Variants in DPF3 observed in about 807,000 individuals in gnomAD.
DPF3 encodes the protein zinc finger protein DPF3.
Under a neutral mutation model 56.8 loss-of-function variants are expected in DPF3, and 18 were observed. The ratio of observed to expected loss-of-function variants is 0.32; its 90% CI spans 0.22 to 0.47. DPF3 has a LOEUF of 0.47. DPF3 is among the 20% of genes least tolerant of loss of function. DPF3 has a pLI of 1.00. For synonymous variants in DPF3, 188 were observed against 180.2 expected (o/e 1.04, Z -0.35); for missense variants, 403 against 488.8 (o/e 0.82, Z 1.65).
At chr14:72,769,137 G>GAAAAA (rs1206499459) in intron 2 of DPF3, among the ~76,000 whole-genome samples, 22 of 151,920 alleles carry the variant, frequency 1.4e-4, no homozygotes, top group African/African-American at 4.8e-4. Context: ...AAAAGAAAAA[G>GAAAAA]AAAAAAACAA....
chr14:72,796,185 A>T (rs570157520), intron 1 of DPF3, among the ~76,000 whole-genome samples: 4 of 152,298 alleles, frequency 2.6e-5, no homozygotes, highest in Admixed American at 1.3e-4. Context: ...AAAGTATGTA[A>T]CTTATCTGAG....
chr14:72,760,695 AAG>A (rs1269668902), intron 2 of DPF3, among the ~76,000 whole-genome samples: 2 of 152,170 alleles, frequency 1.3e-5, no homozygotes, highest in African/African-American at 2.4e-5. Flanking sequence ...ACAACAAAAC[AAG>A]AGTTATAGTT....
intron 1 of DPF3, among the ~76,000 whole-genome samples, chr14:72,871,107 C>T (rs1349740125): frequency 1.3e-5 from 2 of 152,208 alleles, no homozygotes; most frequent in South Asian, 2.1e-4. Flanking sequence ...GTAAGACTTA[C>T]TCACTATCAC....
chr14:72,803,231 C>G (rs541631667), intron 1 of DPF3, among the ~76,000 whole-genome samples: 1 of 152,348 alleles, frequency 6.6e-6, no homozygotes, highest in Admixed American at 6.5e-5. Context: ...AAACCTGCCA[C>G]TGCCTCTCTC....
rs189550097 is a variant in DPF3 at position 72,778,989 on chromosome 14, C to A, written c.33-7096G>T. On this transcript the variant is annotated intron_variant, in intron 1 of 10. Transcript: ENST00000556509. ...CTCCAGCAAGTACCATTCACATCAG[C>A]GTCAATATGAAGGCCACCCCCTGGA... Among the ~76,000 whole-genome samples the A allele has an allele frequency of 1.2e-4, 19 of 152,300 alleles. No homozygotes were observed. In the South Asian group the frequency reaches 3.9e-3, roughly 32 times the overall value.
In DPF3 at chr14:72,650,807, A is replaced by T. The variant is rs563064450; in HGVS notation, c.872-21071T>A. ...AGGAGGCGTCTCCCTCCAAGACAGGATCAGCGTGTGTGGGTGGGAGGTATA... is the reference window on the plus strand; with the variant it reads ...AGGAGGCGTCTCCCTCCAAGACAGGTTCAGCGTGTGTGGGTGGGAGGTATA... On this transcript the variant is annotated intron_variant, in intron 8 of 10. Transcript: ENST00000556509. 5.9e-5 allele frequency among the ~76,000 whole-genome samples: 9 copies of T among 152,260 alleles called. No individual in the cohort carries two copies. In the South Asian group the frequency reaches 1.9e-3, roughly 32 times the overall value.
At chr14:72,723,542 G>A in intron 5 of DPF3, 91 bp downstream of exon 5, 2 of 1,100,492 alleles carry the variant, frequency 1.8e-6, no homozygotes, top group South Asian at 1.6e-5. Context: ...CCATGGCCAT[G>A]ATTTCCATCT....
At chr14:72,723,573 G>A (rs555672378) in intron 5 of DPF3, 60 bp downstream of exon 5, 39 of 1,402,602 alleles carry the variant, frequency 2.8e-5, no homozygotes, top group Middle Eastern at 1.8e-4. Context: ...GAGATCAATC[G>A]TTGGCCGGGC....
intron 1 of DPF3, among the ~76,000 whole-genome samples, chr14:72,790,371 A>G (rs1197728369): frequency 2.0e-5 from 3 of 152,232 alleles, no homozygotes; most frequent in African/African-American, 4.8e-5. Context: ...GGTCCCTAGC[A>G]TATAGTAGGC....
chr14:72,820,110 T>C (rs1297252470), intron 1 of DPF3, among the ~76,000 whole-genome samples: 4 of 152,204 alleles, frequency 2.6e-5, no homozygotes, highest in African/African-American at 9.7e-5. Context: ...TTGTTAAAAT[T>C]CATAGAACTA....
At chr14:72,788,723 G>T (rs1435112186) in intron 1 of DPF3, among the ~76,000 whole-genome samples, 1 of 152,128 alleles carries the variant, frequency 6.6e-6, no homozygotes, top group East Asian at 1.9e-4. Context: ...CAGTCTAGGG[G>T]GAGGTTGATG....
Position 72,613,642 on chromosome 14 carries a change from C to CAGAG in DPF3, c.*5651_*5654dup, listed in dbSNP as rs1883895373. Reference sequence around the variant, plus strand: ...TCACAGCCAGGGCTCACTCAGAACCCAGAGAGAGCCTGTTCCCAGGAACCC... The same window carrying CAGAG: ...TCACAGCCAGGGCTCACTCAGAACCCAGAGAGAGAGAGCCTGTTCCCAGGAACCC... On this transcript the variant is annotated 3_prime_UTR_variant, in exon 11 of 11. Transcript: ENST00000556509. 6.6e-6 allele frequency among the ~76,000 whole-genome samples: 1 copy of CAGAG among 152,154 alleles called. No homozygotes were observed. Among genetic ancestry groups the CAGAG allele is most frequent in the Non-Finnish European group, 1.5e-5 (1 of 68,014 alleles).
intron 8 of DPF3, among the ~76,000 whole-genome samples, chr14:72,635,853 T>G (rs913336994): frequency 6.6e-6 from 1 of 152,332 alleles, no homozygotes; most frequent in African/African-American, 2.4e-5. Context: ...CTGATTGAAT[T>G]AGGGCTCCAG....
chr14:72,742,828 G>A (rs1346347129), intron 3 of DPF3: 2 of 152,294 alleles, frequency 1.3e-5, no homozygotes, highest in African/African-American at 4.8e-5. Flanking sequence ...AGTTCTGGCA[G>A]TTCAGCGCAG....
chr14:72,663,134 C>T (rs1161399095), intron 8 of DPF3, among the ~76,000 whole-genome samples: 1 of 127,526 alleles, frequency 7.8e-6, no homozygotes, highest in Non-Finnish European at 1.6e-5. Flanking sequence ...GGTCAATTCC[C>T]AGGTGGTGTA....
At chr14:72,772,837 T>A (rs1891590667) in intron 1 of DPF3, among the ~76,000 whole-genome samples, 1 of 152,074 alleles carries the variant, frequency 6.6e-6, no homozygotes. Flanking sequence ...AATACAAATG[T>A]AATAACATAA....
intron 1 of DPF3, among the ~76,000 whole-genome samples, chr14:72,815,536 T>C (rs1478200915): frequency 1.3e-5 from 2 of 152,380 alleles, no homozygotes; most frequent in South Asian, 2.1e-4. Flanking sequence ...GGAATATTCA[T>C]AGCAGCTTTC....
chr14:72,765,989 G>T (rs943449986), intron 2 of DPF3, among the ~76,000 whole-genome samples: 8 of 152,144 alleles, frequency 5.3e-5, no homozygotes, highest in Admixed American at 1.3e-4. Context: ...TGGGGAGGGA[G>T]TAAAGAAGGG....
In DPF3 at chr14:72,619,935, C is replaced by A; in HGVS notation, c.1034G>T (p.Cys345Phe). 1 of 1,535,134 alleles carries A rather than the reference C, an allele frequency of 6.5e-7. No homozygotes were observed. Among genetic ancestry groups the A allele is most frequent in the Non-Finnish European group, 8.7e-7 (1 of 1,146,512 alleles). ...GGGCTCAGCCACCGGGGGATTTAAA[C>A]AGTACATGTGATAGCCTCGGTCACA... Reference protein sequence around the residue: ...DDCDRGYHMYCLNPPVAEPPE... With the variant: ...DDCDRGYHMYFLNPPVAEPPE... The change falls in exon 10 of 11, where the codon TGT becomes TTT. Residue 345 changes from cysteine (C) to phenylalanine (F), a missense_variant. Around this residue, in one of 2 missense-constraint regions of DPF3, gnomAD observed 63 missense variants for 114.4 expected, o/e 0.55. Coordinates refer to ENST00000556509, the MANE Select transcript of DPF3 (RefSeq NM_001280542.3).
Sources: gnomAD v4.1 joint callset for allele counts (sites outside exome capture counted in the v4.1 genomes callset) on GRCh38, gnomAD v4.1.1 for gene constraint, gnomAD v4.1.1 regional missense constraint, MANE v1.5 for transcripts, NCBI Gene and HGNC (gene_info 2026-07-23, HGNC 2026-07-21) for gene names.